Variants in HTR5A observed in about 807,000 individuals in gnomAD.
The protein encoded by HTR5A is 5-HT-5.
In HTR5A, 21 loss-of-function variants were observed where a neutral mutation model predicts 24.3. The ratio of observed to expected loss-of-function variants is 0.86; its 90% CI spans 0.61 to 1.24. The LOEUF (loss-of-function observed/expected upper bound fraction) is 1.24, where lower values mean the gene tolerates loss of function less well. HTR5A is among the 50% of genes most tolerant of loss of function. The pLI is 0.00. For missense variants in HTR5A, 497 were observed against 489.5 expected (o/e 1.02, Z -0.15); for synonymous variants, 260 against 213.7 (o/e 1.22, Z -1.89).
chr7:155,075,902 G>A (rs1041077880), intron 1 of HTR5A, among the ~76,000 whole-genome samples: 1 of 152,134 alleles, frequency 6.6e-6, no homozygotes, highest in Non-Finnish European at 1.5e-5. Context: ...TTATCTTCAG[G>A]AGCCTTCTCT....
chr7:155,077,607 G>T (rs1795372842), intron 1 of HTR5A, among the ~76,000 whole-genome samples: 1 of 151,812 alleles, frequency 6.6e-6, no homozygotes, highest in African/African-American at 2.4e-5. Context: ...GGGATTATAG[G>T]TGTGTGCCAC....
At chr7:155,081,093 T>C (rs731107) in intron 1 of HTR5A, among the ~76,000 whole-genome samples, 93,422 of 151,990 alleles carry the variant, frequency 0.61, 29,952 homozygotes, top group East Asian at 0.78. Context: ...AGGGTTTTGA[T>C]TCATACCCTC....
chr7:155,084,187 G>A lies in HTR5A; in HGVS notation c.774G>A (p.Val258=), dbSNP rs777944194. 1 of 1,612,818 alleles carries A rather than the reference G, an allele frequency of 6.2e-7. No individual in the cohort carries two copies. The highest frequency in any genetic ancestry group is 8.5e-7 in the Non-Finnish European group (1 of 1,179,546). The change falls in exon 2 of 2, where the codon GTG becomes GTA. Residue 258 remains valine (V), a synonymous_variant. Coordinates refer to ENST00000287907, the MANE Select transcript of HTR5A (RefSeq NM_024012.4). ...VKDSAKQPQM[V]FTVRHATVTF... The stretch of plus-strand genomic sequence containing the variant: ...ACTCTGCCAAACAGCCCCAGATGGT[G>A]TTCACGGTCCGCCACGCCACCGTCA...
Position 155,084,308 on chromosome 7 carries a change from A to C in HTR5A, c.895A>C (p.Ile299Leu). Reference sequence around the variant, plus strand: ...CATTGGCGTGTTCGTGCTCTGCTGGATCCCCTTCTTTCTCACCGAGCTCAT... The same window carrying C: ...CATTGGCGTGTTCGTGCTCTGCTGGCTCCCCTTCTTTCTCACCGAGCTCAT... Reference protein sequence around the residue: ...ILIGVFVLCWIPFFLTELISP... With the variant: ...ILIGVFVLCWLPFFLTELISP... The change falls in exon 2 of 2, where the codon ATC (isoleucine) becomes CTC (leucine). Residue 299 changes from isoleucine (I) to leucine (L), a missense_variant. Ile to Leu is a conservative substitution (Grantham distance 5). Coordinates refer to ENST00000287907, the MANE Select transcript of HTR5A (RefSeq NM_024012.4). 4 of 1,613,970 alleles carry C rather than the reference A, an allele frequency of 2.5e-6. No homozygotes were observed. The highest frequency in any genetic ancestry group is 3.4e-6 in the Non-Finnish European group (4 of 1,179,998).
intron 1 of HTR5A, among the ~76,000 whole-genome samples, chr7:155,081,033 G>A (rs569698634): frequency 8.5e-5 from 13 of 152,296 alleles, no homozygotes; most frequent in African/African-American, 2.4e-4. Context: ...CAAGAAAAAC[G>A]TCTGCTTGTT....
At chr7:155,073,022 G>A (rs1165359808) in intron 1 of HTR5A, among the ~76,000 whole-genome samples, 1 of 152,086 alleles carries the variant, frequency 6.6e-6, no homozygotes, top group Non-Finnish European at 1.5e-5. Flanking sequence ...AGACATTTTG[G>A]ATGATTAAGA....
intron 1 of HTR5A, among the ~76,000 whole-genome samples, chr7:155,079,207 C>A (rs1054672269): frequency 1.3e-5 from 2 of 152,172 alleles, no homozygotes; most frequent in Non-Finnish European, 2.9e-5. Context: ...CCCACCTTGG[C>A]CTCTCAAAGG....
intron 1 of HTR5A, among the ~76,000 whole-genome samples, chr7:155,073,147 C>T (rs1184925272): frequency 2.0e-5 from 3 of 151,800 alleles, no homozygotes; most frequent in African/African-American, 7.3e-5. Flanking sequence ...GGTGAAACCC[C>T]GTCTCTACTA....
In HTR5A at chr7:155,085,466, A is replaced by G. The variant is rs535989881; in HGVS notation, c.*979A>G. ...AAGGGCATCCTTGATTAATTTGCTA[A>G]TTGCTATTTTTTGTTGGTATGTGAA... On this transcript the variant is annotated 3_prime_UTR_variant, in exon 2 of 2. Coordinates refer to ENST00000287907, the MANE Select transcript of HTR5A (RefSeq NM_024012.4). The G allele has an allele frequency of 6.8e-4, 103 of 152,296 alleles. No individual in the cohort carries two copies. The highest frequency in any genetic ancestry group is 2.4e-3 in the African/African-American group (99 of 41,566). The allele number at this position is 152,296 out of a possible 1,614,324, so 9.4% of individuals were successfully genotyped here.
At chr7:155,071,737 A>G (rs1795297987) in intron 1 of HTR5A, 97 bp downstream of exon 1, 2 of 1,365,250 alleles carry the variant, frequency 1.5e-6, no homozygotes, top group Admixed American at 2.1e-5. Flanking sequence ...TAGAAAATGG[A>G]ACTTTTTGTG....
intron 1 of HTR5A, among the ~76,000 whole-genome samples, chr7:155,074,429 G>A (rs1795338939): frequency 6.6e-6 from 1 of 152,178 alleles, no homozygotes; most frequent in African/African-American, 2.4e-5. Flanking sequence ...CTGCGCTTTT[G>A]GGAGGTATGG....
chr7:155,072,136 A>G (rs747766826), intron 1 of HTR5A, among the ~76,000 whole-genome samples: 28 of 152,170 alleles, frequency 1.8e-4, no homozygotes, highest in African/African-American at 2.4e-5. Context: ...ATCCTAGTCT[A>G]TTCTTTTTCT....
In HTR5A at chr7:155,084,069, C is replaced by T. The variant is rs139001841; in HGVS notation, c.742-86C>T. On this transcript the variant is annotated intron_variant, in intron 1 of 1. Transcript: ENST00000287907. The stretch of plus-strand genomic sequence containing the variant: ...GAAGACTTTCCCTTGAGTGGATGTG[C>T]GGAATCCAGGCCTGTCAGTGTCCAG... 2,535 of 1,094,092 alleles carry T rather than the reference C, an allele frequency of 2.3e-3. 58 individuals are homozygous for T. In the East Asian group the frequency reaches 0.048, roughly 21 times the overall value. 67.8% of individuals were successfully genotyped at this position (1,094,092 alleles called of 1,614,324 possible).
At chr7:155,077,826 T>C (rs1356136191) in intron 1 of HTR5A, among the ~76,000 whole-genome samples, 1 of 152,174 alleles carries the variant, frequency 6.6e-6, no homozygotes, top group Non-Finnish European at 1.5e-5. Context: ...TACAATTTTC[T>C]TTTTTGCTTT....
At position 155,071,092 on chromosome 7, in the gene HTR5A, A is replaced by G; in HGVS notation, c.193A>G (p.Ile65Val). 1 of 1,607,710 alleles carries G rather than the reference A, an allele frequency of 6.2e-7. No individual in the cohort carries two copies. The highest frequency in any genetic ancestry group is 8.5e-7 in the Non-Finnish European group (1 of 1,179,976). The change falls in exon 1 of 2, where the codon ATC becomes GTC. Residue 65 changes from isoleucine to valine, a missense_variant. Transcript: ENST00000287907. ...FAWNLLVLATILRVRTFHRVP... is the reference protein window; with the variant it reads ...FAWNLLVLATVLRVRTFHRVP... ...CTGGAACCTGCTGGTGCTGGCGACC[A>G]TCCTCCGTGTACGCACCTTCCACCG...
intron 1 of HTR5A, among the ~76,000 whole-genome samples, chr7:155,080,181 G>C (rs928783641): frequency 2.0e-5 from 3 of 152,222 alleles, no homozygotes; most frequent in African/African-American, 7.2e-5. Context: ...AGGATAAGTA[G>C]ATTAATGGCA....
chr7:155,071,763 A>T (rs779793337), intron 1 of HTR5A, 123 bp downstream of exon 1: 1 of 955,608 alleles, frequency 1.0e-6, no homozygotes, highest in Non-Finnish European at 1.6e-6. Flanking sequence ...GAGTGGGGGG[A>T]GTAAACTGGG....
At chr7:155,079,448 G>T (rs753149974) in intron 1 of HTR5A, among the ~76,000 whole-genome samples, 1 of 152,160 alleles carries the variant, frequency 6.6e-6, no homozygotes. Context: ...GTTTGGGAAG[G>T]TTACAAAATC....
intron 1 of HTR5A, among the ~76,000 whole-genome samples, chr7:155,077,750 C>A (rs1053920872): frequency 6.6e-6 from 1 of 152,232 alleles, no homozygotes; most frequent in East Asian, 1.9e-4. Context: ...CAGGTGTGAG[C>A]CACTGTGCCC....
Sources: gnomAD v4.1 joint callset for allele counts (sites outside exome capture counted in the v4.1 genomes callset) on GRCh38, gnomAD v4.1.1 for gene constraint, MANE v1.5 for transcripts, NCBI Gene and HGNC (gene_info 2026-07-23, HGNC 2026-07-21) for gene names.